ACOT11: variants seen among roughly 807,000 people sequenced by gnomAD.
The protein encoded by ACOT11 is acyl-coenzyme A thioesterase 11.
A neutral mutation model predicts 77.5 loss-of-function variants in ACOT11; 69 were observed. The ratio of observed to expected loss-of-function variants is 0.89; its 90% CI spans 0.73 to 1.09. The LOEUF (loss-of-function observed/expected upper bound fraction) is 1.09, where lower values mean the gene tolerates loss of function less well. Ranked by LOEUF, ACOT11 falls within the 50% of genes least tolerant of loss-of-function variation. The probability of loss-of-function intolerance (pLI) is 0.00; values close to 1 mark genes in which losing one functional copy is unlikely to be tolerated. For synonymous variants in ACOT11, 279 were observed against 313.0 expected (o/e 0.89, Z 1.15); for missense variants, 766 against 813.7 (o/e 0.94, Z 0.71).
downstream of ACOT11, chr1:54,611,017 G>A: frequency 3.0e-6 from 3 of 985,388 alleles, no homozygotes; most frequent in Non-Finnish European, 3.6e-6. Context: ...GAAATAATGG[G>A]GGGTTTGGAA....
At position 54,584,359 on chromosome 1, in the gene ACOT11, AAGG is replaced by A. The variant is rs1206550724; in HGVS notation, c.34-291_34-289del. 6.6e-6 allele frequency among the ~76,000 whole-genome samples: 1 copy of A among 152,208 alleles called. No homozygotes were observed. The highest frequency in any genetic ancestry group is 2.4e-5 in the African/African-American group (1 of 41,468). On this transcript the variant is annotated intron_variant, in intron 1 of 15. Transcript: ENST00000343744. This position sits in a 1 kb window ranked among gnomAD's most constrained non-coding sequence, Gnocchi z 6.3. ...AAACAGTTGGCCCAGGAGCTGAAGCAAGGAGGACTGACTTCTCTGCATGGTTTT... is the reference window on the plus strand; with the variant it reads ...AAACAGTTGGCCCAGGAGCTGAAGCAAGGACTGACTTCTCTGCATGGTTTT...
At chr1:54,612,563 C>A (rs141176241), downstream of ACOT11, 46 of 1,614,074 alleles carry the variant, frequency 2.8e-5, 1 homozygote, top group African/African-American at 5.7e-4. Flanking sequence ...GGAAGGTGAC[C>A]CTCTGGGGCA....
At chr1:54,604,226 C>G in intron 11 of ACOT11, 120 bp from the exon 12 acceptor site, 1 of 888,164 alleles carries the variant, frequency 1.1e-6, no homozygotes, top group Non-Finnish European at 1.8e-6. Flanking sequence ...CCTGCCGCAC[C>G]ACCCACCCAC....
intron 15 of ACOT11, chr1:54,619,840 C>T: frequency 6.2e-7 from 1 of 1,612,174 alleles, no homozygotes; most frequent in Non-Finnish European, 8.5e-7. Flanking sequence ...CCTGGCCTGC[C>T]TCAGTCTTGG....
chr1:54,575,185 G>A (rs1240448141), intron 1 of ACOT11, among the ~76,000 whole-genome samples: 1 of 152,210 alleles, frequency 6.6e-6, no homozygotes, highest in Admixed American at 6.5e-5. Flanking sequence ...GGCACCTTAG[G>A]CAGGACTTGA....
chr1:54,611,407 T>A (rs1477700754), downstream of ACOT11, among the ~76,000 whole-genome samples: 1 of 151,842 alleles, frequency 6.6e-6, no homozygotes, highest in Non-Finnish European at 1.5e-5. Context: ...CTCAAAAAAA[T>A]AAATAAATAA....
chr1:54,609,197 C>A lies in ACOT11; in HGVS notation c.*85C>A. 2 of 1,596,184 alleles carry A rather than the reference C, an allele frequency of 1.3e-6. No homozygotes were observed. Among genetic ancestry groups the A allele is most frequent in the Non-Finnish European group, 1.7e-6 (2 of 1,169,924 alleles). Reference sequence around the variant, plus strand: ...TACAGTGCCTGGAGAAAGCCAAAGACCTTTATTTCTTCCTGCCTCCCCGTG... The same window carrying A: ...TACAGTGCCTGGAGAAAGCCAAAGAACTTTATTTCTTCCTGCCTCCCCGTG... On this transcript the variant is annotated 3_prime_UTR_variant, in exon 16 of 16. Coordinates refer to ENST00000343744, the MANE Select transcript of ACOT11 (RefSeq NM_147161.4).
At position 54,609,272 on chromosome 1, in the gene ACOT11, T is replaced by C. The variant is rs773193581; in HGVS notation, c.*160T>C. The C allele has an allele frequency of 3.1e-6, 5 of 1,603,428 alleles. No homozygotes were observed. In the East Asian group the frequency reaches 1.1e-4, roughly 36 times the overall value. On this transcript the variant is annotated 3_prime_UTR_variant, in exon 16 of 16. Transcript: ENST00000343744. ...TGGCCCACCACCCCTGGGTGCTCAG[T>C]TTCTACCAACATGAGCCAGCAAGTC...
intron 8 of ACOT11, among the ~76,000 whole-genome samples, chr1:54,600,738 C>T (rs1643951281): frequency 1.3e-5 from 2 of 152,324 alleles, no homozygotes; most frequent in South Asian, 4.1e-4. Flanking sequence ...ATAGCAGCAA[C>T]TGAGCTGTTT....
In ACOT11 at chr1:54,607,080, C is replaced by T; in HGVS notation, c.1371-54C>T. On this transcript the variant is annotated intron_variant, in intron 13 of 15. Transcript: ENST00000343744. This position sits in a 1 kb window ranked among gnomAD's most constrained non-coding sequence, Gnocchi z 4.5. ...TGGCAGGGCCCGGGCAGACCCGCTG[C>T]TTGCATGGGAGCTGGAAGCTTCCTG... The T allele has an allele frequency of 2.5e-6, 4 of 1,609,652 alleles. No individual in the cohort carries two copies. Among genetic ancestry groups the T allele is most frequent in the Non-Finnish European group, 3.4e-6 (4 of 1,177,562 alleles).
rs745566637 is a variant in ACOT11 at position 54,594,022 on chromosome 1, C to T, written c.454C>T (p.Arg152Cys). The T allele has an allele frequency of 1.4e-5, 23 of 1,613,922 alleles. No individual in the cohort carries two copies. The highest frequency in any genetic ancestry group is 4.5e-5 in the East Asian group (2 of 44,878). The change falls in exon 5 of 16, where the codon CGC becomes TGC. Residue 152 changes from arginine to cysteine, a missense_variant. By Grantham distance (180) the Arg-to-Cys change is radical. Coordinates refer to ENST00000343744, the MANE Select transcript of ACOT11 (RefSeq NM_147161.4). Reference sequence around the variant, plus strand: ...CAAGGCCTTGGCCACCTTCGTGGCCCGCCGAGAGATCACCAAGGTAACTGG... The same window carrying T: ...CAAGGCCTTGGCCACCTTCGTGGCCTGCCGAGAGATCACCAAGGTAACTGG... ...VCKALATFVA[R>C]REITKVKLKQ...
At chr1:54,575,603 G>A (rs1654085686) in intron 1 of ACOT11, among the ~76,000 whole-genome samples, 2 of 152,194 alleles carry the variant, frequency 1.3e-5, no homozygotes, top group African/African-American at 4.8e-5. Flanking sequence ...TCCACAGCGA[G>A]CCAGGCTCTG....
At chr1:54,572,573 G>T (rs531700044) in intron 1 of ACOT11, among the ~76,000 whole-genome samples, 231 of 152,330 alleles carry the variant, frequency 1.5e-3, no homozygotes, top group African/African-American at 5.3e-3. Context: ...CCCCTGAGGG[G>T]GGGGGTCACA....
At chr1:54,568,553 G>T (rs532450863) in intron 1 of ACOT11, among the ~76,000 whole-genome samples, 1 of 151,660 alleles carries the variant, frequency 6.6e-6, no homozygotes, top group Non-Finnish European at 1.5e-5. Context: ...TAGTAGAGAC[G>T]GGGTTTCTCC....
chr1:54,548,444 A>G, intron 1 of ACOT11, 102 bp downstream of exon 1: 1 of 1,386,776 alleles, frequency 7.2e-7, no homozygotes, highest in Non-Finnish European at 9.9e-7. Flanking sequence ...ATCTCCTCAC[A>G]CTCTCCACGG....
intron 1 of ACOT11, among the ~76,000 whole-genome samples, chr1:54,572,408 T>G (rs1476196255): frequency 2.0e-5 from 3 of 152,068 alleles, no homozygotes; most frequent in Non-Finnish European, 1.5e-5. Context: ...GCAGCAGCCT[T>G]GGCTGTCTGG....
intron 3 of ACOT11, among the ~76,000 whole-genome samples, chr1:54,586,524 T>C (rs1654508629): frequency 6.6e-6 from 1 of 151,900 alleles, no homozygotes; most frequent in Non-Finnish European, 1.5e-5. Flanking sequence ...CTCTGCCTCC[T>C]GAGTTTAAGC....
At chr1:54,637,899 C>T (rs1197184212) in exon 17 of ACOT11, 1 of 151,908 alleles carries the variant, frequency 6.6e-6, no homozygotes, top group African/African-American at 2.4e-5. Context: ...ACCAAATATT[C>T]CAAATAGGAA....
intron 6 of ACOT11, among the ~76,000 whole-genome samples, chr1:54,595,631 TA>T (rs760256910): frequency 1.2e-4 from 18 of 152,336 alleles, no homozygotes; most frequent in Non-Finnish European, 1.8e-4. Flanking sequence ...ATTCAGTACA[TA>T]CTGTTTTGTA....
Sources: allele counts gnomAD v4.1 joint callset (sites outside exome capture counted in the v4.1 genomes callset), GRCh38; gene constraint gnomAD v4.1.1; non-coding constraint Gnocchi (gnomAD v3.1); transcripts MANE v1.5; gene names NCBI Gene and HGNC (gene_info 2026-07-23, HGNC 2026-07-21).